PSMF1: variants seen among roughly 807,000 people sequenced by gnomAD.
The protein encoded by PSMF1 is proteasome inhibitor subunit 1.
In PSMF1, 30 loss-of-function variants were observed where a neutral mutation model predicts 29.3. That is an observed-to-expected ratio of 1.02 (90% CI 0.77 to 1.39). The LOEUF (loss-of-function observed/expected upper bound fraction) is 1.39, where lower values mean the gene tolerates loss of function less well. Ranked by LOEUF, PSMF1 falls within the 40% of genes most tolerant of loss-of-function variation. PSMF1 has a pLI of 0.00. For synonymous variants in PSMF1, 134 were observed against 139.7 expected, an observed-to-expected ratio of 0.96 and a Z score of 0.29; for missense variants, 344 against 357.5, an observed-to-expected ratio of 0.96 and a Z score of 0.31.
At chr20:1,127,656 T>C in intron 3 of PSMF1, 148 bp downstream of exon 3, 1 of 678,880 alleles carries the variant, frequency 1.5e-6, no homozygotes, top group South Asian at 1.9e-5. Flanking sequence ...TTTTCTTTTC[T>C]GTTTTTTATG....
At position 1,168,986 on chromosome 20, in the gene PSMF1, A is replaced by C. The variant is rs201398500; in HGVS notation, c.*3906A>C. Among the ~76,000 whole-genome samples, 2 of 152,122 alleles carry C rather than the reference A, an allele frequency of 1.3e-5. No individual in the cohort carries two copies. Among genetic ancestry groups the C allele is most frequent in the East Asian group, 3.9e-4 (2 of 5,180 alleles). On this transcript the variant is annotated 3_prime_UTR_variant, in exon 7 of 7. Transcript: ENST00000335877. ...CAGACATCCAAGTCCCCAGCCCTTT[A>C]TTGCCCTTGGGATACCACAAGGCAC...
upstream of PSMF1, chr20:1,118,330 T>A: frequency 6.2e-6 from 1 of 161,818 alleles, no homozygotes. Context: ...TGTTAACGAT[T>A]ATTAAGAATG....
In PSMF1 at chr20:1,165,258, T is replaced by C; in HGVS notation, c.*178T>C. ...AGAGCCAAGACACCTGCTGCAGCTC[T>C]CCACCTAGCTGCAGATAGCTCCCAA... On this transcript the variant is annotated 3_prime_UTR_variant, in exon 7 of 7. Transcript: ENST00000335877. 4.2e-6 allele frequency: 6 copies of C among 1,424,182 alleles called. No individual in the cohort carries two copies. Among genetic ancestry groups the C allele is most frequent in the Non-Finnish European group, 5.5e-6 (6 of 1,092,002 alleles). 88.2% of individuals were successfully genotyped at this position (1,424,182 alleles called of 1,614,324 possible).
At position 1,165,333 on chromosome 20, in the gene PSMF1, C is replaced by T. The variant is rs1488288263; in HGVS notation, c.*253C>T. 2.9e-6 allele frequency: 4 copies of T among 1,387,278 alleles called. No individual in the cohort carries two copies. Among genetic ancestry groups the T allele is most frequent in the Middle Eastern group, 2.7e-4 (1 of 3,692 alleles). The allele number at this position is 1,387,278 out of a possible 1,614,324, so 85.9% of individuals were successfully genotyped here. A position where few individuals can be genotyped will look rare whatever the true frequency, so the allele number is the denominator to read the frequency against. ...CCATCAGCTCCTCCCCTTTCACCAC[C>T]AGCTCCTCTCCACTTCCCAAGGGAG... is the stretch of plus-strand genomic sequence containing the variant. On this transcript the variant is annotated 3_prime_UTR_variant, in exon 7 of 7. Transcript: ENST00000335877.
chr20:1,135,058 G>A (rs1305683201), intron 3 of PSMF1, 63 bp from the exon 4 acceptor site: 6 of 1,570,228 alleles, frequency 3.8e-6, no homozygotes, highest in Non-Finnish European at 5.3e-6. Context: ...GTTGCAGCCA[G>A]AATACCACTT....
rs555814620 is a variant in PSMF1, at chr20:1,148,057, C to T, written c.551+12751C>T. Among the ~76,000 whole-genome samples, 14 of 152,334 alleles carry T rather than the reference C, an allele frequency of 9.2e-5. No homozygotes were observed. The South Asian group carries it at 1.4e-3, about 16-fold the overall frequency. Reference sequence around the variant, plus strand: ...AAACACTCTTGTTTTGCCTCTCTCACACCTGGAAATTTCCAAATACAAACT... The same window carrying T: ...AAACACTCTTGTTTTGCCTCTCTCATACCTGGAAATTTCCAAATACAAACT... On this transcript the variant is annotated intron_variant, in intron 4 of 6. Transcript: ENST00000335877.
At position 1,165,602 on chromosome 20, in the gene PSMF1, C is replaced by T. The variant is rs2086720032; in HGVS notation, c.*522C>T. On this transcript the variant is annotated 3_prime_UTR_variant, in exon 7 of 7. Coordinates refer to ENST00000335877, the MANE Select transcript of PSMF1 (RefSeq NM_006814.5). Reference sequence around the variant, plus strand: ...CCCATTCTTGCTTCTCAGGCACCTTCCGTTTATTAATTGCCATTGCTCCTG... The same window carrying T: ...CCCATTCTTGCTTCTCAGGCACCTTTCGTTTATTAATTGCCATTGCTCCTG... 5 of 994,936 alleles carry T rather than the reference C, an allele frequency of 5.0e-6. No homozygotes were observed. Among genetic ancestry groups the T allele is most frequent in the Non-Finnish European group, 6.0e-6 (5 of 835,424 alleles). 61.6% of individuals were successfully genotyped at this position (994,936 alleles called of 1,614,324 possible).
At chr20:1,133,555 G>GTATATATA (rs1311800612) in intron 3 of PSMF1, among the ~76,000 whole-genome samples, 1 of 53,974 alleles carries the variant, frequency 1.9e-5, no homozygotes, top group Non-Finnish European at 4.2e-5. Flanking sequence ...CTATATATGT[G>GTATATATA]TATATATATA....
chr20:1,135,304 C>G lies in PSMF1; in HGVS notation c.549C>G (p.Pro183=). 1.2e-6 allele frequency: 2 copies of G among 1,610,140 alleles called. No individual in the cohort carries two copies. The highest frequency in any genetic ancestry group is 1.7e-6 in the Non-Finnish European group (2 of 1,177,900). Residue 183 remains proline, a splice_region_variant and synonymous_variant, in exon 4 of 7, where the codon CCC becomes CCG. Transcript: ENST00000335877. The part of the protein sequence containing the change: ...PHHPHTSRQP[P]WCDPLGPFVV... ...ACCCACACACCAGTCGGCAGCCTCC[C>G]TGGTGAGTACAGAGTGCCTAGCGGG...
At position 1,166,426 on chromosome 20, in the gene PSMF1, A is replaced by G. The variant is rs1408813216; in HGVS notation, c.*1346A>G. ...AAATTAGGACCTATTATTTACCTGT[A>G]GGTAAGCAAGCTACTGTAGCTCTTC... On this transcript the variant is annotated 3_prime_UTR_variant, in exon 7 of 7. Transcript: ENST00000335877. 5.5e-6 allele frequency: 4 copies of G among 731,586 alleles called. No individual in the cohort carries two copies. The highest frequency in any genetic ancestry group is 9.3e-6 in the Non-Finnish European group (4 of 431,668). 45.3% of individuals were successfully genotyped at this position (731,586 alleles called of 1,614,324 possible).
chr20:1,150,128 C>T (rs1352234595), intron 4 of PSMF1, among the ~76,000 whole-genome samples: 2 of 150,700 alleles, frequency 1.3e-5, no homozygotes, highest in Admixed American at 6.6e-5. Context: ...TGTGGTGAGC[C>T]ATGATCACAC....
intron 4 of PSMF1, among the ~76,000 whole-genome samples, chr20:1,151,087 A>G (rs1338622915): frequency 6.6e-6 from 1 of 152,150 alleles, no homozygotes; most frequent in Non-Finnish European, 1.5e-5. Context: ...TATTCTTAAA[A>G]TTTGTTTTCA....
intron 4 of PSMF1, among the ~76,000 whole-genome samples, chr20:1,159,805 C>G (rs568941909): frequency 3.9e-5 from 6 of 152,166 alleles, no homozygotes; most frequent in Non-Finnish European, 8.8e-5. Flanking sequence ...CTGGCCTTGT[C>G]CATTTAAATC....
intron 4 of PSMF1, among the ~76,000 whole-genome samples, chr20:1,142,175 T>C (rs1413009796): frequency 6.6e-6 from 1 of 152,160 alleles, no homozygotes; most frequent in Non-Finnish European, 1.5e-5. Flanking sequence ...TGAGCTGAGA[T>C]CGCGCCACAC....
intron 4 of PSMF1, among the ~76,000 whole-genome samples, chr20:1,150,446 C>CAA (rs111349364): frequency 6.7e-6 from 1 of 149,218 alleles, no homozygotes; most frequent in South Asian, 2.1e-4. Flanking sequence ...GTCAACACAG[C>CAA]AAAAAAAAAG....
chr20:1,127,182 TGA>T, intron 2 of PSMF1: 1 of 669,696 alleles, frequency 1.5e-6, no homozygotes, highest in Non-Finnish European at 2.7e-6. Context: ...TTACCATGCC[TGA>T]GCCCTTTTGC....
At chr20:1,155,733 G>T (rs148542795) in intron 4 of PSMF1, among the ~76,000 whole-genome samples, 172 of 152,332 alleles carry the variant, frequency 1.1e-3, no homozygotes, top group African/African-American at 3.9e-3. Flanking sequence ...CACATGCATG[G>T]TGGAGACCTT....
rs765623810 is a variant in PSMF1, at chr20:1,125,564, G to A, written c.196G>A (p.Val66Ile). 3 of 1,613,992 alleles carry A rather than the reference G, an allele frequency of 1.9e-6. No homozygotes were observed. Among genetic ancestry groups the A allele is most frequent in the Non-Finnish European group, 2.5e-6 (3 of 1,180,006 alleles). Residue 66 changes from valine (V) to isoleucine (I), a missense_variant, in exon 2 of 7, where the codon GTC becomes ATC. Val to Ile is a conservative substitution (Grantham distance 29). Transcript: ENST00000335877. ...AGWNNNKDLY[V>I]LRYEYKDGSR... is the part of the protein sequence containing the mutation. The stretch of plus-strand genomic sequence containing the variant: ...GTGGAACAACAATAAAGACCTGTAT[G>A]TCCTCCGGTATGAGTATAAGGATGG...
At chr20:1,141,750 C>T (rs2086383447) in intron 4 of PSMF1, among the ~76,000 whole-genome samples, 1 of 152,102 alleles carries the variant, frequency 6.6e-6, no homozygotes, top group Admixed American at 6.6e-5. Context: ...ATGCAGATGA[C>T]ATAATGATCT....
Sources: allele counts gnomAD v4.1 joint callset (sites outside exome capture counted in the v4.1 genomes callset), GRCh38; gene constraint gnomAD v4.1.1; transcripts MANE v1.5; gene names NCBI Gene and HGNC (gene_info 2026-07-23, HGNC 2026-07-21).